The following SEC24A variants were observed in gnomAD, a reference collection of about 807,000 sequenced individuals.
SEC24A encodes the protein SEC24 homolog A, COPII component.
Under a neutral mutation model 129.4 loss-of-function variants are expected in SEC24A, and 93 were observed. That is an observed-to-expected ratio of 0.72 (90% CI 0.61 to 0.85). The LOEUF (loss-of-function observed/expected upper bound fraction) is 0.85. Among genes scored for constraint, SEC24A ranks in the 40% least tolerant of loss-of-function variants. The pLI, the probability that SEC24A is intolerant of heterozygous loss-of-function variation, is 0.00. For synonymous variants in SEC24A, 460 were observed against 467.3 expected, an observed-to-expected ratio of 0.98 and a Z score of 0.20; for missense variants, 1,264 against 1,307.4, an observed-to-expected ratio of 0.97 and a Z score of 0.51.
Position 134,708,747 on chromosome 5 carries a change from C to T in SEC24A, c.2586C>T (p.Asp862=), listed in dbSNP as rs201942239. 1.2e-4 allele frequency: 195 copies of T among 1,614,002 alleles called. 1 individual carries two copies. The South Asian group carries it at 1.5e-3, about 13-fold the overall frequency. The change falls in exon 18 of 23, where the codon GAC becomes GAT. Residue 862 remains aspartate (D), a synonymous_variant. Transcript: ENST00000398844. Reference sequence around the variant, plus strand: ...GATCTATGACTGCCAGTCTGAGTGACGCTCGGGATGCTCTAGTGAATGCAG... The same window carrying T: ...GATCTATGACTGCCAGTCTGAGTGATGCTCGGGATGCTCTAGTGAATGCAG... The part of the protein sequence containing the change: ...VDRSMTASLS[D]ARDALVNAVI...
At chr5:134,653,280 T>C (rs1398264735) in intron 1 of SEC24A, among the ~76,000 whole-genome samples, 1 of 152,084 alleles carries the variant, frequency 6.6e-6, no homozygotes, top group Non-Finnish European at 1.5e-5. Context: ...GCCTGGGTCT[T>C]GCTCTGTCAC....
chr5:134,700,069 T>C (rs1751956772), intron 15 of SEC24A, among the ~76,000 whole-genome samples: 2 of 150,758 alleles, frequency 1.3e-5, no homozygotes, highest in Admixed American at 6.7e-5. Context: ...TTAAGGTGGG[T>C]TTTTTTTTCC....
chr5:134,674,589 G>T (rs371537683), intron 4 of SEC24A, 26 bp from the exon 5 acceptor site: 47 of 1,597,614 alleles, frequency 2.9e-5, no homozygotes, highest in Non-Finnish European at 4.0e-5. Context: ...GTATAAAATA[G>T]AACTTAAAAG....
chr5:134,657,649 C>G (rs1423963871), intron 1 of SEC24A, among the ~76,000 whole-genome samples: 2 of 152,072 alleles, frequency 1.3e-5, no homozygotes, highest in Non-Finnish European at 2.9e-5. Flanking sequence ...TGATCACAGC[C>G]CACTGCAGGC....
chr5:134,679,621 C>T lies in SEC24A; in HGVS notation c.1274C>T (p.Ser425Phe), dbSNP rs376207232. The T allele has an allele frequency of 1.3e-6, 2 of 1,582,720 alleles. No homozygotes were observed. The highest frequency in any genetic ancestry group is 2.7e-5 in the African/African-American group (2 of 74,028). Reference sequence around the variant, plus strand: ...TTCCAGCAATTGCCTGTGGTTACCTCCAGTACAATTGTGAGATGCCGTTCA... The same window carrying T: ...TTCCAGCAATTGCCTGTGGTTACCTTCAGTACAATTGTGAGATGCCGTTCA... ...KDLVQLPVVT[S>F]STIVRCRSCR... Residue 425 changes from serine to phenylalanine, a missense_variant, in exon 8 of 23, where the codon TCC becomes TTC. Physicochemically the swap from Ser to Phe is radical, Grantham distance 155 (BLOSUM62 -2). Coordinates refer to ENST00000398844, the MANE Select transcript of SEC24A (RefSeq NM_021982.3).
chr5:134,656,422 G>T (rs1261338591), intron 1 of SEC24A, among the ~76,000 whole-genome samples: 1 of 151,806 alleles, frequency 6.6e-6, no homozygotes, highest in Non-Finnish European at 1.5e-5. Flanking sequence ...AGATTTCTTG[G>T]TGGCACCTGA....
chr5:134,686,940 A>G (rs776313585), intron 10 of SEC24A, 38 bp downstream of exon 10: 1 of 1,125,188 alleles, frequency 8.9e-7, no homozygotes, highest in South Asian at 1.4e-5. Context: ...GAAACTAATA[A>G]TATTTTCTAA....
chr5:134,661,353 C>T lies in SEC24A; in HGVS notation c.332C>T (p.Pro111Leu), dbSNP rs1750452302. Reference protein sequence around the residue: ...HSGPAPRMPLPASQNPATTPM... With the variant: ...HSGPAPRMPLLASQNPATTPM... ...GGTCCTGCTCCCCGAATGCCATTAC[C>T]TGCTTCTCAGAACCCAGCTACTACA... Residue 111 changes from proline to leucine, a missense_variant, in exon 2 of 23, where the codon CCT becomes CTT. Transcript: ENST00000398844. 1 of 1,614,220 alleles carries T rather than the reference C, an allele frequency of 6.2e-7. No homozygotes were observed. The highest frequency in any genetic ancestry group is 1.3e-5 in the African/African-American group (1 of 75,058).
Position 134,687,413 on chromosome 5 carries a change from A to G in SEC24A, c.1604+511A>G, listed in dbSNP as rs531034857. Among the ~76,000 whole-genome samples, 29 of 152,304 alleles carry G rather than the reference A, an allele frequency of 1.9e-4. No homozygotes were observed. The South Asian group carries it at 5.4e-3, about 28-fold the overall frequency. On this transcript the variant is annotated intron_variant, in intron 10 of 22. Transcript: ENST00000398844. ...GTAAGAATTTAAACAGTATACACAC[A>G]TTGCATTTGGTTATCAAGTGTCTTA...
intron 10 of SEC24A, among the ~76,000 whole-genome samples, chr5:134,687,219 A>G (rs986192136): frequency 4.6e-5 from 7 of 152,212 alleles, no homozygotes; most frequent in African/African-American, 1.7e-4. Context: ...AGCAAATTTC[A>G]GCCAGCATAC....
At chr5:134,721,561 CA>C (rs757908828) in intron 21 of SEC24A, among the ~76,000 whole-genome samples, 1,291 of 55,436 alleles carry the variant, frequency 0.023, 6 homozygotes, top group Middle Eastern at 0.12. Context: ...GACTCCATCT[CA>C]AAAAAAAAAA....
At chr5:134,661,077 A>G (rs775949128) in intron 1 of SEC24A, 42 bp from the exon 2 acceptor site, 18 of 1,311,310 alleles carry the variant, frequency 1.4e-5, no homozygotes, top group Middle Eastern at 3.8e-4. Flanking sequence ...AAGTATTGCT[A>G]TATTCGTTGG....
intron 1 of SEC24A, among the ~76,000 whole-genome samples, chr5:134,657,111 G>C (rs1056284100): frequency 8.6e-5 from 13 of 151,492 alleles, no homozygotes; most frequent in African/African-American, 3.2e-4. Context: ...CTTGAGCTTG[G>C]GAGGTCGAGG....
chr5:134,664,792 C>CTTTTTTTTTT (rs70976552), intron 2 of SEC24A, among the ~76,000 whole-genome samples: 3 of 86,204 alleles, frequency 3.5e-5, no homozygotes, highest in Admixed American at 1.9e-4. Flanking sequence ...TTTTCTTTTT[C>CTTTTTTTTTT]TTTTTTTTTT....
chr5:134,679,694 A>T lies in SEC24A; in HGVS notation c.1347A>T (p.Arg449Ser), dbSNP rs1751195333. Residue 449 changes from arginine to serine, a missense_variant, in exon 8 of 23, where the codon AGA becomes AGT. Transcript: ENST00000398844. The part of the protein sequence containing the change: ...NPFVSFLDQR[R>S]WKCNLCYRVN... ...TCGTCAGCTTTCTTGATCAAAGGAG[A>T]TGGAAGTGTAACTTATGTTATCGAG... 6.3e-7 allele frequency: 1 copy of T among 1,598,878 alleles called. No individual in the cohort carries two copies. The highest frequency in any genetic ancestry group is 1.3e-5 in the African/African-American group (1 of 74,610).
intron 13 of SEC24A, 58 bp downstream of exon 13, chr5:134,693,991 A>G (rs796462133): frequency 7.1e-6 from 10 of 1,414,792 alleles, no homozygotes; most frequent in African/African-American, 1.4e-5. Context: ...CCCTGTGACC[A>G]TAGAACTTGT....
chr5:134,649,267 A>C (rs576571544), intron 1 of SEC24A, 94 bp downstream of exon 1: 2 of 893,268 alleles, frequency 2.2e-6, no homozygotes, highest in South Asian at 1.9e-5. Flanking sequence ...AGAGAGAGTG[A>C]CCTCCTTACC....
chr5:134,697,127 A>T lies in SEC24A; in HGVS notation c.1988A>T (p.Asp663Val), dbSNP rs1751852764. 7 of 1,488,976 alleles carry T rather than the reference A, an allele frequency of 4.7e-6. No individual in the cohort carries two copies. In the East Asian group the frequency reaches 1.6e-4, roughly 34 times the overall value. The allele number at this position is 1,488,976 out of a possible 1,614,324, so 92.2% of individuals were successfully genotyped here. The change falls in exon 14 of 23, where the codon GAT becomes GTT. Residue 663 changes from aspartate to valine, a missense_variant and splice_region_variant. Coordinates refer to ENST00000398844, the MANE Select transcript of SEC24A (RefSeq NM_021982.3). The part of the protein sequence containing the change: ...EEPNHRSSAK[D>V]IHMTPSTDFY... ...CTCTTTATAATTTATTATAAATAGG[A>T]TATACACATGACACCATCCACTGAC...
chr5:134,670,051 T>C (rs1750803955), intron 3 of SEC24A, among the ~76,000 whole-genome samples: 1 of 152,158 alleles, frequency 6.6e-6, no homozygotes, highest in African/African-American at 2.4e-5. Context: ...CTCAGTCTCC[T>C]GAGTAGCTGA....
Sources: gnomAD v4.1 joint callset for allele counts (sites outside exome capture counted in the v4.1 genomes callset) on GRCh38, gnomAD v4.1.1 for gene constraint, MANE v1.5 for transcripts, NCBI Gene and HGNC (gene_info 2026-07-23, HGNC 2026-07-21) for gene names.